AHCYL2: variants seen among roughly 807,000 people sequenced by gnomAD.
The protein encoded by AHCYL2 is S-adenosylhomocysteine hydrolase-like protein 2.
Under a neutral mutation model 81.4 loss-of-function variants are expected in AHCYL2, and 28 were observed. That is an observed-to-expected ratio of 0.34 (90% CI 0.25 to 0.47). The LOEUF (loss-of-function observed/expected upper bound fraction) is 0.47, where lower values mean the gene tolerates loss of function less well. Ranked by LOEUF, AHCYL2 falls within the 20% of genes least tolerant of loss-of-function variation. The pLI is 1.00. For synonymous variants in AHCYL2, 272 were observed against 290.2 expected (o/e 0.94, Z 0.64); for missense variants, 551 against 785.1 (o/e 0.70, Z 3.56).
At chr7:129,278,053 C>T (rs1339002645) in intron 1 of AHCYL2, among the ~76,000 whole-genome samples, 1 of 152,150 alleles carries the variant, frequency 6.6e-6, no homozygotes, top group Non-Finnish European at 1.5e-5. Flanking sequence ...GTTTGAATTC[C>T]TCCACATCCT....
chr7:129,426,936 G>A lies in AHCYL2; in HGVS notation c.1830-103G>A. On this transcript the variant is annotated intron_variant, in intron 16 of 16. Transcript: ENST00000325006. This position sits in a 1 kb window ranked among gnomAD's most constrained non-coding sequence, Gnocchi z 4.3. ...TTATTTCCTGTCACTGTACACTCCA[G>A]AAAAGTCTCTGCCTCCCTGTTACAC... 3 of 1,214,416 alleles carry A rather than the reference G, an allele frequency of 2.5e-6. No individual in the cohort carries two copies. The highest frequency in any genetic ancestry group is 3.6e-6 in the Non-Finnish European group (3 of 835,892). The allele number at this position is 1,214,416 out of a possible 1,614,324, so 75.2% of individuals were successfully genotyped here.
chr7:129,339,916 CTTT>C (rs774989478), intron 1 of AHCYL2, among the ~76,000 whole-genome samples: 1 of 104,544 alleles, frequency 9.6e-6, no homozygotes, highest in African/African-American at 4.0e-5. Context: ...TTCCTCTGCT[CTTT>C]TTTTTTTTTT....
intron 1 of AHCYL2, among the ~76,000 whole-genome samples, chr7:129,280,795 T>C (rs1796411464): frequency 2.0e-5 from 3 of 152,108 alleles, no homozygotes; most frequent in Admixed American, 2.0e-4. Flanking sequence ...TTTTGTCTAA[T>C]GCATTTTCTG....
intron 2 of AHCYL2, among the ~76,000 whole-genome samples, chr7:129,383,467 A>T (rs1795058211): frequency 6.6e-6 from 1 of 152,030 alleles, no homozygotes; most frequent in South Asian, 2.1e-4. Flanking sequence ...GCCCATAGAC[A>T]TCTCAAACCT....
intron 1 of AHCYL2, among the ~76,000 whole-genome samples, chr7:129,328,743 C>G (rs1798315700): frequency 6.6e-6 from 1 of 152,222 alleles, no homozygotes; most frequent in Admixed American, 6.5e-5. Context: ...GTCTCGGCCT[C>G]CCAAAGTGTT....
At chr7:129,364,232 G>T (rs1235320623) in intron 1 of AHCYL2, among the ~76,000 whole-genome samples, 1 of 152,118 alleles carries the variant, frequency 6.6e-6, no homozygotes, top group East Asian at 1.9e-4. Context: ...TCTTAGGTTA[G>T]AATAGAATAG....
chr7:129,425,532 G>C (rs1339523686), intron 15 of AHCYL2, among the ~76,000 whole-genome samples: 1 of 152,124 alleles, frequency 6.6e-6, no homozygotes, highest in Non-Finnish European at 1.5e-5. Flanking sequence ...ACTTTTCTCA[G>C]ACGACACAAG....
chr7:129,227,057 A>T (rs1441655668), intron 1 of AHCYL2, among the ~76,000 whole-genome samples: 1 of 152,198 alleles, frequency 6.6e-6, no homozygotes, highest in African/African-American at 2.4e-5. Flanking sequence ...CCTGGATTTG[A>T]AGCCTAGTAC....
intron 11 of AHCYL2, chr7:129,410,315 A>C: frequency 1.2e-6 from 2 of 1,614,170 alleles, no homozygotes; most frequent in Non-Finnish European, 8.5e-7. Context: ...AATGTTCTCA[A>C]ACTCTTCAAT....
intron 1 of AHCYL2, among the ~76,000 whole-genome samples, chr7:129,231,147 ACTTGAATG>A: frequency 6.6e-6 from 1 of 152,018 alleles, no homozygotes; most frequent in East Asian, 1.9e-4. Context: ...CAGGAGAATC[ACTTGAATG>A]CTTGAATGCG....
chr7:129,293,817 G>A (rs769201492), intron 1 of AHCYL2, among the ~76,000 whole-genome samples: 4 of 152,132 alleles, frequency 2.6e-5, no homozygotes, highest in Non-Finnish European at 5.9e-5. Flanking sequence ...TTGGAATATA[G>A]TATAATTCCA....
In AHCYL2 at chr7:129,422,947, G is replaced by C; in HGVS notation, c.1560+9G>C. ...TAGTACTGCTGGCAGAGGTAAGGCT[G>C]AGACTGGCAAAAATACTCCCCCACA... On this transcript the variant is annotated intron_variant, in intron 13 of 16. Transcript: ENST00000325006. 1.9e-6 allele frequency: 3 copies of C among 1,613,406 alleles called. No homozygotes were observed. Among genetic ancestry groups the C allele is most frequent in the Non-Finnish European group, 2.5e-6 (3 of 1,179,612 alleles).
At chr7:129,240,648 T>G (rs17348939) in intron 1 of AHCYL2, among the ~76,000 whole-genome samples, 51,059 of 151,530 alleles carry the variant, frequency 0.34, 9,745 homozygotes, top group Non-Finnish European at 0.43. Context: ...CATTCTCTTA[T>G]TTTCTCTCAG....
At chr7:129,417,310 C>T (rs1584907456) in intron 12 of AHCYL2, among the ~76,000 whole-genome samples, 1 of 152,036 alleles carries the variant, frequency 6.6e-6, no homozygotes, top group African/African-American at 2.4e-5. Flanking sequence ...GGAGAATGAG[C>T]GTAGGACAAG....
At chr7:129,257,510 G>T (rs1795469126) in intron 1 of AHCYL2, among the ~76,000 whole-genome samples, 1 of 152,186 alleles carries the variant, frequency 6.6e-6, no homozygotes, top group Non-Finnish European at 1.5e-5. Context: ...CTGGTGCATG[G>T]TGGCTGCTCA....
At chr7:129,229,504 A>G (rs1043480562) in intron 1 of AHCYL2, among the ~76,000 whole-genome samples, 5 of 141,256 alleles carry the variant, frequency 3.5e-5, no homozygotes, top group African/African-American at 1.3e-4. Context: ...ACATCTAGAA[A>G]GTGTCAGAGG....
rs1357124624 is a variant in AHCYL2, at chr7:129,237,971, C to T, written c.363+12532C>T. On this transcript the variant is annotated intron_variant, in intron 1 of 16. Coordinates refer to ENST00000325006, the MANE Select transcript of AHCYL2 (RefSeq NM_015328.4). ...TCCTGACCTTGTGATCCACCTGCTT[C>T]GGCCTCCCAAAGTGCTGGGATTACA... Among the ~76,000 whole-genome samples the T allele has an allele frequency of 5.3e-5, 8 of 152,124 alleles. No homozygotes were observed. In the South Asian group the frequency reaches 6.2e-4, roughly 12 times the overall value.
chr7:129,382,234 T>C (rs938102040), intron 2 of AHCYL2, among the ~76,000 whole-genome samples: 1 of 152,216 alleles, frequency 6.6e-6, no homozygotes, highest in East Asian at 1.9e-4. Flanking sequence ...CACAACTCTC[T>C]AAATATGACA....
chr7:129,227,954 T>C (rs576245256), intron 1 of AHCYL2, among the ~76,000 whole-genome samples: 91 of 152,362 alleles, frequency 6.0e-4, no homozygotes, highest in African/African-American at 2.0e-3. Flanking sequence ...CTTCTTGATA[T>C]TGAATTGGCT....
Sources: gnomAD v4.1 joint callset for allele counts (sites outside exome capture counted in the v4.1 genomes callset) on GRCh38, gnomAD v4.1.1 for gene constraint, Gnocchi (gnomAD v3.1) non-coding constraint, MANE v1.5 for transcripts, NCBI Gene and HGNC (gene_info 2026-07-23, HGNC 2026-07-21) for gene names.